Variants in ATG2B observed in about 807,000 individuals in gnomAD.
The protein encoded by ATG2B is autophagy-related protein 2 homolog B.
ATG2B carries 121 observed loss-of-function variants against 241.3 expected under a neutral mutation model. The ratio of observed to expected loss-of-function variants is 0.50; its 90% CI spans 0.43 to 0.58. The LOEUF is 0.58. ATG2B is among the 20% of genes least tolerant of loss of function. The pLI is 0.00. For missense variants in ATG2B, 2,306 were observed against 2,491.6 expected, an observed-to-expected ratio of 0.93 and a Z score of 1.59; for synonymous variants, 858 against 876.6, an observed-to-expected ratio of 0.98 and a Z score of 0.37.
chr14:96,363,110 G>C lies in ATG2B; in HGVS notation c.-134C>G, dbSNP rs1888727280. On this transcript the variant is annotated 5_prime_UTR_variant, in exon 1 of 42. Coordinates refer to ENST00000359933, the MANE Select transcript of ATG2B (RefSeq NM_018036.7). The stretch of plus-strand genomic sequence containing the variant: ...CCTCCATCCCTATTTGGTGCCGGGA[G>C]TCCCTCAGGGAGACCCCATCGCCGG... The C allele has an allele frequency of 2.0e-6, 2 of 988,682 alleles. No individual in the cohort carries two copies. Among genetic ancestry groups the C allele is most frequent in the Non-Finnish European group, 3.1e-6 (2 of 650,688 alleles). 61.2% of individuals were successfully genotyped at this position (988,682 alleles called of 1,614,324 possible).
chr14:96,356,990 T>C (rs1393011130), intron 1 of ATG2B, among the ~76,000 whole-genome samples: 1 of 152,148 alleles, frequency 6.6e-6, no homozygotes, highest in Non-Finnish European at 1.5e-5. Context: ...ACCCCTAACC[T>C]TGCTCCATGT....
chr14:96,308,274 ATATATATATT>A lies in ATG2B; in HGVS notation c.4303+1169_4303+1178del, dbSNP rs1566719952. On this transcript the variant is annotated intron_variant, in intron 29 of 41. Transcript: ENST00000359933. The stretch of plus-strand genomic sequence containing the variant: ...TATACACACATATATATATATATAT[ATATATATATT>A]TTTTTTTTTTTTTTTTTTGAGACAG... Among the ~76,000 whole-genome samples, 124 of 25,856 alleles carry A rather than the reference ATATATATATT, an allele frequency of 4.8e-3. 10 individuals carry two copies. The highest frequency in any genetic ancestry group is 8.2e-3 in the East Asian group (11 of 1,334). The allele number at this position is 25,856 out of a possible 152,430, so 17.0% of individuals were successfully genotyped here.
intron 32 of ATG2B, among the ~76,000 whole-genome samples, chr14:96,304,014 A>G (rs138802976): frequency 6.6e-6 from 1 of 152,262 alleles, no homozygotes; most frequent in Non-Finnish European, 1.5e-5. Context: ...CACTTGGTAC[A>G]ATCTCAGACA....
intron 2 of ATG2B, among the ~76,000 whole-genome samples, chr14:96,346,718 A>G (rs551883925): frequency 6.6e-6 from 1 of 152,308 alleles, no homozygotes; most frequent in South Asian, 2.1e-4. Flanking sequence ...ATTTATCTGT[A>G]TCAGTATGGT....
chr14:96,342,520 G>A (rs1361610402), intron 5 of ATG2B, among the ~76,000 whole-genome samples: 1 of 151,938 alleles, frequency 6.6e-6, no homozygotes, highest in Admixed American at 6.6e-5. Flanking sequence ...TCAGGAGTTC[G>A]AGACCAGCCT....
intron 1 of ATG2B, among the ~76,000 whole-genome samples, chr14:96,360,578 A>T (rs1291377550): frequency 6.6e-6 from 1 of 152,218 alleles, no homozygotes; most frequent in African/African-American, 2.4e-5. Context: ...TTTTAAACCT[A>T]ATTGTGTGTA....
Position 96,305,770 on chromosome 14 carries a change from T to G in ATG2B, c.4552A>C (p.Ile1518Leu), listed in dbSNP as rs888523734. ...PVIKIMVDDAIVIRDNYFSLP... is the reference protein window; with the variant it reads ...PVIKIMVDDALVIRDNYFSLP... ...CTGAAATAATTGTCTCTTATCACAA[T>G]TGCATCATCAACCATGATTTTTATA... The change falls in exon 31 of 42, where the codon ATT becomes CTT. Residue 1518 changes from isoleucine (I) to leucine (L), a missense_variant. Physicochemically the swap from Ile to Leu is conservative, Grantham distance 5 (BLOSUM62 2). Transcript: ENST00000359933. The G allele has an allele frequency of 6.2e-7, 1 of 1,614,090 alleles. No homozygotes were observed. Among genetic ancestry groups the G allele is most frequent in the African/African-American group, 1.3e-5 (1 of 74,940 alleles).
chr14:96,327,429 A>C (rs1887614652), intron 14 of ATG2B, among the ~76,000 whole-genome samples: 1 of 152,140 alleles, frequency 6.6e-6, no homozygotes, highest in Non-Finnish European at 1.5e-5. Context: ...GACTGATTTA[A>C]TTTGCTTAGA....
At chr14:96,296,389 A>C (rs1035339464) in intron 34 of ATG2B, among the ~76,000 whole-genome samples, 2 of 152,102 alleles carry the variant, frequency 1.3e-5, no homozygotes, top group Non-Finnish European at 2.9e-5. Context: ...CGTTTTGCCT[A>C]TCTCACTCAA....
At chr14:96,362,738 A>G (rs1240615431) in intron 1 of ATG2B, 77 bp downstream of exon 1, 1 of 1,432,726 alleles carries the variant, frequency 7.0e-7, no homozygotes, top group Non-Finnish European at 9.5e-7. Context: ...GACTGTCACC[A>G]ATCTTGGATG....
chr14:96,304,681 AATG>A, intron 31 of ATG2B, 78 bp from the exon 32 acceptor site: 1 of 1,148,780 alleles, frequency 8.7e-7, no homozygotes, highest in Non-Finnish European at 1.3e-6. Context: ...CATTAAGGAA[AATG>A]ATAAGATGAA....
At chr14:96,309,425 T>G (rs747549286) in intron 29 of ATG2B, 28 bp downstream of exon 29, 5 of 1,592,390 alleles carry the variant, frequency 3.1e-6, no homozygotes, top group Non-Finnish European at 4.3e-6. Flanking sequence ...TTAACATCAG[T>G]GCTCCCTGAG....
chr14:96,339,955 G>A (rs1380422115), intron 6 of ATG2B, among the ~76,000 whole-genome samples: 1 of 150,408 alleles, frequency 6.6e-6, no homozygotes, highest in Non-Finnish European at 1.5e-5. Context: ...TTCCACATAA[G>A]GTATATACCC....
At chr14:96,293,486 G>A (rs1272617399) in intron 36 of ATG2B, among the ~76,000 whole-genome samples, 1 of 152,130 alleles carries the variant, frequency 6.6e-6, no homozygotes, top group Non-Finnish European at 1.5e-5. Flanking sequence ...ATACAGTTAA[G>A]TGCTCAGTAA....
chr14:96,324,902 G>T (rs528434100), intron 15 of ATG2B, among the ~76,000 whole-genome samples: 2 of 152,098 alleles, frequency 1.3e-5, no homozygotes, highest in Non-Finnish European at 2.9e-5. Flanking sequence ...ATTCTCATGA[G>T]GGGTGGGAGT....
At chr14:96,333,649 T>A in intron 8 of ATG2B, 39 bp downstream of exon 8, 1 of 1,567,972 alleles carries the variant, frequency 6.4e-7, no homozygotes, top group Non-Finnish European at 8.7e-7. Flanking sequence ...TCTATGATTA[T>A]AATATATGAT....
rs753777419 is a variant in ATG2B at position 96,313,097 on chromosome 14, G to A, written c.3810C>T (p.Ser1270=). Reference sequence around the variant, plus strand: ...TAGAGGAAGATTTATCCAATGCAACGCTACTGGAAACACTGAATGTTTCCA... The same window carrying A: ...TAGAGGAAGATTTATCCAATGCAACACTACTGGAAACACTGAATGTTTCCA... The part of the protein sequence containing the change: ...LTVETFSVSS[S]VALDKSSSTL... The change falls in exon 25 of 42, where the codon AGC becomes AGT. Residue 1270 remains serine, a synonymous_variant. Coordinates refer to ENST00000359933, the MANE Select transcript of ATG2B (RefSeq NM_018036.7). 7.4e-6 allele frequency: 12 copies of A among 1,612,738 alleles called. No homozygotes were observed. Among genetic ancestry groups the A allele is most frequent in the African/African-American group, 6.7e-5 (5 of 74,870 alleles).
In ATG2B at chr14:96,290,006, A is replaced by G; in HGVS notation, c.5857-201T>C. 3 of 870,202 alleles carry G rather than the reference A, an allele frequency of 3.4e-6. No individual in the cohort carries two copies. In the South Asian group the frequency reaches 5.9e-5, roughly 17 times the overall value. 53.9% of individuals were successfully genotyped at this position (870,202 alleles called of 1,614,324 possible). On this transcript the variant is annotated intron_variant, in intron 40 of 41. Coordinates refer to ENST00000359933, the MANE Select transcript of ATG2B (RefSeq NM_018036.7). This position sits in a 1 kb window ranked among gnomAD's most constrained non-coding sequence, Gnocchi z 4.4. ...AACATAAAAGTATAAATTAATAACT[A>G]ACACCTGGATTGAGCTAAATTTTTA...
rs1479131426 is a variant in ATG2B at position 96,290,134 on chromosome 14, CCTT to C, written c.5856+299_5856+301del. Reference sequence around the variant, plus strand: ...TAATACTTCTGTTTAATCTACAACGCCTTCTTCAAATTTAGCTACGATCCTTTC... The same window carrying C: ...TAATACTTCTGTTTAATCTACAACGCCTTCAAATTTAGCTACGATCCTTTC... On this transcript the variant is annotated intron_variant, in intron 40 of 41. Coordinates refer to ENST00000359933, the MANE Select transcript of ATG2B (RefSeq NM_018036.7). The surrounding 1 kb of genome is among the most constrained non-coding windows in gnomAD (Gnocchi z 4.4). 2 of 1,244,522 alleles carry C rather than the reference CCTT, an allele frequency of 1.6e-6. No individual in the cohort carries two copies. Among genetic ancestry groups the C allele is most frequent in the Admixed American group, 3.8e-5 (1 of 26,232 alleles). 77.1% of individuals were successfully genotyped at this position (1,244,522 alleles called of 1,614,324 possible). A position where few individuals can be genotyped will look rare whatever the true frequency, so the allele number is the denominator to read the frequency against.
Sources: allele counts gnomAD v4.1 joint callset (sites outside exome capture counted in the v4.1 genomes callset), GRCh38; gene constraint gnomAD v4.1.1; non-coding constraint Gnocchi (gnomAD v3.1); transcripts MANE v1.5; gene names NCBI Gene and HGNC (gene_info 2026-07-23, HGNC 2026-07-21).